PBX3: variants seen among roughly 807,000 people sequenced by gnomAD.
The protein encoded by PBX3 is pre-B-cell leukemia transcription factor 3.
In PBX3, 14 loss-of-function variants were observed where a neutral mutation model predicts 48.5. The ratio of observed to expected loss-of-function variants is 0.29; its 90% CI spans 0.19 to 0.45. The LOEUF (loss-of-function observed/expected upper bound fraction) is 0.45, where lower values mean the gene tolerates loss of function less well. Among genes scored for constraint, PBX3 ranks in the 20% least tolerant of loss-of-function variants. The pLI is 1.00. For synonymous variants in PBX3, 210 were observed against 200.3 expected, an observed-to-expected ratio of 1.05 and a Z score of -0.41; for missense variants, 386 against 546.7, an observed-to-expected ratio of 0.71 and a Z score of 2.93.
chr9:125,755,672 G>GTTTTTTTTTTTTTT (rs11310993), intron 2 of PBX3, among the ~76,000 whole-genome samples: 3 of 95,232 alleles, frequency 3.2e-5, no homozygotes, highest in Non-Finnish European at 4.2e-5. Flanking sequence ...GAGGAGCTTT[G>GTTTTTTTTTTTTTT]TTTTTTTTTT....
At chr9:125,838,782 G>T (rs1028285317) in intron 2 of PBX3, among the ~76,000 whole-genome samples, 1 of 152,184 alleles carries the variant, frequency 6.6e-6, no homozygotes, top group African/African-American at 2.4e-5. Context: ...GCCAGGAGTC[G>T]TGGCTGGTAC....
At position 125,949,306 on chromosome 9, in the gene PBX3, T is replaced by C. The variant is rs1428792124; in HGVS notation, c.844-11378T>C. Reference sequence around the variant, plus strand: ...TATGAAGAGTGCCTAGTACAGGGCCTGGCATCTCAGGAATGTTCATTAAAT... The same window carrying C: ...TATGAAGAGTGCCTAGTACAGGGCCCGGCATCTCAGGAATGTTCATTAAAT... On this transcript the variant is annotated intron_variant, in intron 5 of 8. Coordinates refer to ENST00000373489, the MANE Select transcript of PBX3 (RefSeq NM_006195.6). 4 of 1,544,554 alleles carry C rather than the reference T, an allele frequency of 2.6e-6. No individual in the cohort carries two copies. The Admixed American group carries it at 7.9e-5, about 30-fold the overall frequency.
intron 5 of PBX3, among the ~76,000 whole-genome samples, chr9:125,937,782 C>T (rs1468311391): frequency 6.6e-6 from 1 of 152,124 alleles, no homozygotes; most frequent in East Asian, 1.9e-4. Context: ...CCTGCCTCAG[C>T]CTCCTGAGTA....
intron 2 of PBX3, among the ~76,000 whole-genome samples, chr9:125,828,879 G>A (rs771619132): frequency 2.6e-5 from 4 of 152,088 alleles, no homozygotes; most frequent in South Asian, 4.2e-4. Flanking sequence ...AATGTAAGTC[G>A]CCTTCTTTGT....
chr9:125,946,311 AAAAC>A (rs1429751723), intron 5 of PBX3, among the ~76,000 whole-genome samples: 10 of 152,202 alleles, frequency 6.6e-5, no homozygotes, highest in Non-Finnish European at 1.0e-4. Flanking sequence ...AAACAAAACA[AAAAC>A]AAACAAAAAA....
At chr9:125,812,123 T>C (rs1177604126) in intron 2 of PBX3, among the ~76,000 whole-genome samples, 1 of 152,206 alleles carries the variant, frequency 6.6e-6, no homozygotes, top group Non-Finnish European at 1.5e-5. Flanking sequence ...GATCTTGGGC[T>C]TCCTAGCTTC....
intron 2 of PBX3, among the ~76,000 whole-genome samples, chr9:125,863,673 A>G (rs990511488): frequency 2.0e-5 from 3 of 152,174 alleles, no homozygotes; most frequent in African/African-American, 7.2e-5. Context: ...TTGTGGGAAG[A>G]TTAGATGAAG....
At chr9:125,930,794 G>A (rs1382841482) in intron 4 of PBX3, among the ~76,000 whole-genome samples, 2 of 152,226 alleles carry the variant, frequency 1.3e-5, no homozygotes, top group East Asian at 3.9e-4. Context: ...CTGCCCTCCA[G>A]CCCATCCTCC....
intron 2 of PBX3, among the ~76,000 whole-genome samples, chr9:125,829,382 G>A (rs568713488): frequency 1.2e-4 from 19 of 152,022 alleles, no homozygotes; most frequent in Middle Eastern, 3.2e-3. Context: ...CACTTGTCAC[G>A]TTTCTGGACA....
chr9:125,748,286 C>A (rs1405451809), intron 1 of PBX3: 4 of 1,092,194 alleles, frequency 3.7e-6, no homozygotes, highest in Admixed American at 4.8e-5. Flanking sequence ...AGGCTCCCCG[C>A]GCGGGTTCGC....
In PBX3 at chr9:125,799,986, A is replaced by G. The variant is rs571242894; in HGVS notation, c.274+51363A>G. Among the ~76,000 whole-genome samples, 163 of 152,318 alleles carry G rather than the reference A, an allele frequency of 1.1e-3. 1 individual carries two copies. The highest frequency in any genetic ancestry group is 5.8e-4 in the East Asian group (3 of 5,188). On this transcript the variant is annotated intron_variant, in intron 2 of 8. Transcript: ENST00000373489. ...ACAAATCAAGGGACTGCATTGTTTCAGCAATGCTTATTATTGTAATTATTA... is the reference window on the plus strand; with the variant it reads ...ACAAATCAAGGGACTGCATTGTTTCGGCAATGCTTATTATTGTAATTATTA...
intron 2 of PBX3, among the ~76,000 whole-genome samples, chr9:125,902,667 A>G (rs764165123): frequency 2.6e-5 from 4 of 151,736 alleles, no homozygotes; most frequent in Non-Finnish European, 5.9e-5. Context: ...ATGCACTTCC[A>G]AATTTATTTT....
intron 2 of PBX3, among the ~76,000 whole-genome samples, chr9:125,876,974 A>G (rs1220857807): frequency 1.3e-5 from 2 of 151,944 alleles, no homozygotes; most frequent in Non-Finnish European, 2.9e-5. Flanking sequence ...GGGTTTCACC[A>G]TATTGGCCAG....
At chr9:125,921,032 GTAAACTCC>G (rs1443607223) in intron 3 of PBX3, among the ~76,000 whole-genome samples, 2 of 152,238 alleles carry the variant, frequency 1.3e-5, no homozygotes, top group East Asian at 3.8e-4. Context: ...TGTGCAGCCT[GTAAACTCC>G]TAATTCCATT....
At chr9:125,828,531 A>G (rs1838869589) in intron 2 of PBX3, among the ~76,000 whole-genome samples, 2 of 152,168 alleles carry the variant, frequency 1.3e-5, no homozygotes, top group South Asian at 4.1e-4. Context: ...CATTTAAGAA[A>G]ATGCAAGATT....
At chr9:125,900,134 T>C (rs1399832946) in intron 2 of PBX3, among the ~76,000 whole-genome samples, 1 of 151,574 alleles carries the variant, frequency 6.6e-6, no homozygotes, top group Non-Finnish European at 1.5e-5. Context: ...CCGACATGAT[T>C]TATTTTGCCT....
At position 125,748,601 on chromosome 9, in the gene PBX3, G is replaced by A; in HGVS notation, c.252G>A (p.Leu84=). The change falls in exon 2 of 9, where the codon CTG becomes CTA. Residue 84 remains leucine (L), a synonymous_variant. Transcript: ENST00000373489. Reference sequence around the variant, plus strand: ...TGAAACCAGCGCTCTTCAGCGTCCTGTGTGAGATCAAAGAGAAAACAGGTA... The same window carrying A: ...TGAAACCAGCGCTCTTCAGCGTCCTATGTGAGATCAAAGAGAAAACAGGTA... The part of the protein sequence containing the change: ...HRMKPALFSV[L]CEIKEKTGLS... 1 of 1,613,708 alleles carries A rather than the reference G, an allele frequency of 6.2e-7. No individual in the cohort carries two copies. Among genetic ancestry groups the A allele is most frequent in the Non-Finnish European group, 8.5e-7 (1 of 1,179,908 alleles).
intron 2 of PBX3, among the ~76,000 whole-genome samples, chr9:125,893,402 A>G (rs1402934140): frequency 6.6e-6 from 1 of 152,206 alleles, no homozygotes; most frequent in Non-Finnish European, 1.5e-5. Context: ...GAGTTGCTCA[A>G]CAGGTGATGA....
At chr9:125,846,398 TTTG>T (rs1839426962) in intron 2 of PBX3, among the ~76,000 whole-genome samples, 1 of 152,024 alleles carries the variant, frequency 6.6e-6, no homozygotes, top group African/African-American at 2.4e-5. Flanking sequence ...AGAAAAATAT[TTTG>T]AGAGCTTAAA....
Sources: gnomAD v4.1 joint callset for allele counts (sites outside exome capture counted in the v4.1 genomes callset) on GRCh38, gnomAD v4.1.1 for gene constraint, MANE v1.5 for transcripts, NCBI Gene and HGNC (gene_info 2026-07-23, HGNC 2026-07-21) for gene names.